The following ALDH4A1 variants were observed in gnomAD, a reference collection of about 807,000 sequenced individuals.
The protein encoded by ALDH4A1 is aldehyde dehydrogenase 4 family member A1.
In ALDH4A1, 46 loss-of-function variants were observed where a neutral mutation model predicts 70.5. That is an observed-to-expected ratio of 0.65 (90% CI 0.51 to 0.83). ALDH4A1 has a LOEUF of 0.83. Among genes scored for constraint, ALDH4A1 ranks in the 40% least tolerant of loss-of-function variants. The probability of loss-of-function intolerance (pLI) is 0.00; values close to 1 mark genes in which losing one functional copy is unlikely to be tolerated. For missense variants in ALDH4A1, 749 were observed against 766.5 expected, an observed-to-expected ratio of 0.98 and a Z score of 0.27; for synonymous variants, 323 against 324.3, an observed-to-expected ratio of 1.00 and a Z score of 0.04.
chr1:18,902,197 G>A (rs962902922), intron 1 of ALDH4A1, among the ~76,000 whole-genome samples: 2 of 152,210 alleles, frequency 1.3e-5, no homozygotes, highest in African/African-American at 4.8e-5. Flanking sequence ...CAGGGCCACC[G>A]AGGCACCCTA....
chr1:18,887,461 T>C (rs977863900), intron 3 of ALDH4A1, among the ~76,000 whole-genome samples: 1 of 152,116 alleles, frequency 6.6e-6, no homozygotes, highest in Non-Finnish European at 1.5e-5. Flanking sequence ...TAGCTGGGCG[T>C]GGTGGCGGAT....
intron 5 of ALDH4A1, 42 bp downstream of exon 5, chr1:18,885,431 A>AACCCCCCCCC: frequency 6.3e-6 from 3 of 478,976 alleles, no homozygotes; most frequent in Non-Finnish European, 1.0e-5. Context: ...CCTGACTCCC[A>AACCCCCCCCC]CCCCACCCCG....
intron 6 of ALDH4A1, 30 bp downstream of exon 6, chr1:18,883,249 G>A (rs1012118541): frequency 6.8e-6 from 11 of 1,613,010 alleles, no homozygotes; most frequent in South Asian, 1.1e-5. Context: ...GGGCTGCCCC[G>A]CCTGCTCGCC....
intron 9 of ALDH4A1, among the ~76,000 whole-genome samples, chr1:18,878,787 T>C (rs1168743215): frequency 1.3e-5 from 2 of 152,144 alleles, no homozygotes; most frequent in African/African-American, 2.4e-5. Context: ...TCCTTGACCA[T>C]GAAACTGTTT....
Position 18,872,809 on chromosome 1 carries a change from C to T in ALDH4A1, c.*36G>A, listed in dbSNP as rs751756019. On this transcript the variant is annotated 3_prime_UTR_variant, in exon 15 of 15. Coordinates refer to ENST00000375341, the MANE Select transcript of ALDH4A1 (RefSeq NM_003748.4). The stretch of plus-strand genomic sequence containing the variant: ...TGTGCAGTGAGGTCGGCCACCTGGA[C>T]GGACAGACAGCTGGACGGTGGAGCC... 22 of 1,566,692 alleles carry T rather than the reference C, an allele frequency of 1.4e-5. No individual in the cohort carries two copies. Among genetic ancestry groups the T allele is most frequent in the East Asian group, 4.5e-5 (2 of 44,526 alleles).
chr1:18,873,929 G>C (rs1934559648), intron 14 of ALDH4A1, among the ~76,000 whole-genome samples: 1 of 152,290 alleles, frequency 6.6e-6, no homozygotes, highest in East Asian at 1.9e-4. Flanking sequence ...TCTGAAGTTG[G>C]GGGGTCAGTC....
chr1:18,875,365 G>A lies in ALDH4A1; in HGVS notation c.1460+17C>T, dbSNP rs1195774744. The A allele has an allele frequency of 6.2e-7, 1 of 1,613,882 alleles. No individual in the cohort carries two copies. Among genetic ancestry groups the A allele is most frequent in the Non-Finnish European group, 8.5e-7 (1 of 1,179,996 alleles). ...ACACCCGGAGCACAGCACCAGGGCT[G>A]CGGCCTGGCCACTCACTTATCCTGG... On this transcript the variant is annotated intron_variant, in intron 13 of 14. Transcript: ENST00000375341.
intron 3 of ALDH4A1, among the ~76,000 whole-genome samples, chr1:18,887,701 C>T (rs1040211444): frequency 2.6e-5 from 4 of 152,162 alleles, no homozygotes; most frequent in Admixed American, 2.6e-4. Flanking sequence ...ATCATAACAA[C>T]ATCTTATCAA....
rs1391679874 is a variant in ALDH4A1 at position 18,902,539 on chromosome 1, G to A, written c.-16C>T. ...GCAGCAGCATCTCGGGTTAGAAGCG[G>A]GGCTGTTCGCTGGATCGTCCGCCCG... is the stretch of plus-strand genomic sequence containing the variant. On this transcript the variant is annotated 5_prime_UTR_variant, in exon 1 of 15. Coordinates refer to ENST00000375341, the MANE Select transcript of ALDH4A1 (RefSeq NM_003748.4). The A allele has an allele frequency of 6.7e-7, 1 of 1,485,392 alleles. No individual in the cohort carries two copies. The highest frequency in any genetic ancestry group is 8.9e-7 in the Non-Finnish European group (1 of 1,118,224). 92.0% of individuals were successfully genotyped at this position (1,485,392 alleles called of 1,614,324 possible).
intron 1 of ALDH4A1, chr1:18,890,682 C>T (rs1557624579): frequency 1.0e-6 from 1 of 985,582 alleles, no homozygotes; most frequent in East Asian, 1.1e-4. Flanking sequence ...AGAATAATCG[C>T]ACCGAACTCA....
intron 14 of ALDH4A1, 69 bp from the exon 15 acceptor site, chr1:18,873,026 G>A (rs1218815690): frequency 1.5e-6 from 2 of 1,355,556 alleles, no homozygotes; most frequent in Admixed American, 1.7e-5. Flanking sequence ...GAAGGGAGGA[G>A]ATGATGGAAT....
intron 13 of ALDH4A1, 53 bp from the exon 14 acceptor site, chr1:18,874,634 C>T: frequency 1.3e-6 from 2 of 1,562,930 alleles, no homozygotes. Flanking sequence ...CCCTCCAGCC[C>T]CAGCTCCAGC....
chr1:18,877,170 T>C (rs1288813138), intron 11 of ALDH4A1, 38 bp downstream of exon 11: 1 of 1,596,964 alleles, frequency 6.3e-7, no homozygotes, highest in Admixed American at 1.7e-5. Flanking sequence ...ACTCCAGGGC[T>C]TGCCCCCACC....
At chr1:18,873,805 G>A (rs868186773) in intron 14 of ALDH4A1, among the ~76,000 whole-genome samples, 2 of 152,172 alleles carry the variant, frequency 1.3e-5, no homozygotes, top group Non-Finnish European at 2.9e-5. Context: ...CCTCGGTTCC[G>A]TGAGCTGTTC....
chr1:18,881,738 T>C lies in ALDH4A1; in HGVS notation c.828A>G (p.Ser276=), dbSNP rs777164582. Residue 276 remains serine (S), a synonymous_variant, in exon 8 of 15, where the codon TCA becomes TCG. Coordinates refer to ENST00000375341, the MANE Select transcript of ALDH4A1 (RefSeq NM_003748.4). ...TGAAGTTGATGCCACAGAGGTGCTC[T>C]GAGCTGGTGACAGTGTCCCCAAATA... ...GPLFGDTVTS[S]EHLCGINFTG... 1.8e-5 allele frequency: 29 copies of C among 1,614,132 alleles called. No homozygotes were observed. Among genetic ancestry groups the C allele is most frequent in the Non-Finnish European group, 2.5e-5 (29 of 1,180,046 alleles).
chr1:18,879,409 C>A, intron 8 of ALDH4A1, 36 bp from the exon 9 acceptor site: 1 of 1,584,654 alleles, frequency 6.3e-7, no homozygotes, highest in African/African-American at 1.3e-5. Flanking sequence ...GTTCAGGGAG[C>A]CAGGCCAGAG....
intron 11 of ALDH4A1, 110 bp from the exon 12 acceptor site, chr1:18,876,577 G>A: frequency 1.5e-6 from 2 of 1,299,386 alleles, no homozygotes; most frequent in East Asian, 2.6e-5. Context: ...CCCAACTCCT[G>A]AAACAGGGGC....
At position 18,876,342 on chromosome 1, in the gene ALDH4A1, C is replaced by T. The variant is rs1281041795; in HGVS notation, c.1311G>A (p.Lys437=). Residue 437 remains lysine, a synonymous_variant, in exon 12 of 15, where the codon AAG becomes AAA. Coordinates refer to ENST00000375341, the MANE Select transcript of ALDH4A1 (RefSeq NM_003748.4). ...YFVEPCIVES[K]DPQEPIMKEE... is the part of the protein sequence containing the mutation. Reference sequence around the variant, plus strand: ...CCTTCATGATGGGCTCCTGAGGGTCCTTGCTCTCCACGATGCAGGGCTCCA... The same window carrying T: ...CCTTCATGATGGGCTCCTGAGGGTCTTTGCTCTCCACGATGCAGGGCTCCA... 7 of 1,613,832 alleles carry T rather than the reference C, an allele frequency of 4.3e-6. No homozygotes were observed. The highest frequency in any genetic ancestry group is 1.3e-5 in the African/African-American group (1 of 74,922).
chr1:18,887,505 A>G (rs1935259612), intron 3 of ALDH4A1, among the ~76,000 whole-genome samples: 1 of 152,208 alleles, frequency 6.6e-6, no homozygotes. Flanking sequence ...AGGCTGAGGC[A>G]GGAGAATGGC....
Sources: gnomAD v4.1 joint callset for allele counts (sites outside exome capture counted in the v4.1 genomes callset) on GRCh38, gnomAD v4.1.1 for gene constraint, MANE v1.5 for transcripts, NCBI Gene and HGNC (gene_info 2026-07-23, HGNC 2026-07-21) for gene names.